Variants in KRCC1 observed in about 807,000 individuals in gnomAD.
KRCC1 encodes lysine rich coiled-coil 1.
Under a neutral mutation model 7.4 loss-of-function variants are expected in KRCC1, and 3 were observed. The observed-to-expected ratio is 0.40, with a 90% CI of 0.18 to 1.04. KRCC1 has a LOEUF of 1.04. Ranked by LOEUF, KRCC1 falls within the 50% of genes least tolerant of loss-of-function variation. The pLI, the probability that KRCC1 is intolerant of heterozygous loss-of-function variation, is 0.33. For missense variants in KRCC1, 277 were observed against 300.9 expected (o/e 0.92, Z 0.59); for synonymous variants, 102 against 101.6 (o/e 1.00, Z -0.02).
At chr2:88,032,300 G>GCT (rs959155617) in intron 3 of KRCC1, among the ~76,000 whole-genome samples, 2 of 152,016 alleles carry the variant, frequency 1.3e-5, no homozygotes, top group African/African-American at 4.8e-5. Context: ...CATGCTAAAT[G>GCT]CCCCACACAA....
At chr2:88,041,179 TGA>T (rs528533517) in intron 1 of KRCC1, among the ~76,000 whole-genome samples, 1 of 152,146 alleles carries the variant, frequency 6.6e-6, no homozygotes, top group South Asian at 2.1e-4. Context: ...GGGAAGAATA[TGA>T]GAGATATTCT....
rs143116821 is a variant in KRCC1, at chr2:88,052,289, G to A, written c.-291+3337C>T. ...TTGCATCATGTCCAATACTGGAAGT[G>A]TAAACTGCAGAGACTGAGAGTTCTA... On this transcript the variant is annotated intron_variant, in intron 1 of 3. Transcript: ENST00000347055. Among the ~76,000 whole-genome samples, 244 of 152,306 alleles carry A rather than the reference G, an allele frequency of 1.6e-3. 1 individual carries two copies. The highest frequency in any genetic ancestry group is 5.3e-3 in the African/African-American group (220 of 41,548).
intron 1 of KRCC1, among the ~76,000 whole-genome samples, chr2:88,049,178 T>A (rs905933657): frequency 2.6e-5 from 4 of 152,204 alleles, no homozygotes; most frequent in African/African-American, 9.6e-5. Flanking sequence ...AGTACATGTT[T>A]AGTATCAAAT....
chr2:88,048,813 A>G (rs1433367898), intron 1 of KRCC1, among the ~76,000 whole-genome samples: 1 of 152,228 alleles, frequency 6.6e-6, no homozygotes, highest in Admixed American at 6.5e-5. Flanking sequence ...AAGACCACGC[A>G]GAGCACAGCA....
At chr2:88,048,148 T>C (rs1287006033) in intron 1 of KRCC1, among the ~76,000 whole-genome samples, 1 of 150,368 alleles carries the variant, frequency 6.7e-6, no homozygotes, top group African/African-American at 2.4e-5. Context: ...AGTGGTGGGA[T>C]CTCGGCTCAC....
At chr2:88,055,317 C>T (rs1049534514) in intron 1 of KRCC1, among the ~76,000 whole-genome samples, 4 of 152,104 alleles carry the variant, frequency 2.6e-5, no homozygotes, top group African/African-American at 9.7e-5. Flanking sequence ...CTTCCCTTTC[C>T]CTGACGCTCC....
intron 1 of KRCC1, among the ~76,000 whole-genome samples, chr2:88,050,364 T>C (rs1280431013): frequency 1.3e-5 from 2 of 152,204 alleles, no homozygotes; most frequent in African/African-American, 4.8e-5. Flanking sequence ...TTCACACCTG[T>C]AATCCCAGCA....
At chr2:88,052,589 A>G (rs146954509) in intron 1 of KRCC1, among the ~76,000 whole-genome samples, 1 of 152,162 alleles carries the variant, frequency 6.6e-6, no homozygotes, top group African/African-American at 2.4e-5. Flanking sequence ...GTAAGTGAAT[A>G]GTGAGTGACC....
intron 1 of KRCC1, among the ~76,000 whole-genome samples, chr2:88,042,861 T>C (rs768148324): frequency 6.6e-6 from 1 of 152,250 alleles, no homozygotes; most frequent in East Asian, 1.9e-4. Context: ...ATAATACCTA[T>C]GGCATGCTAC....
chr2:88,048,674 T>C (rs1188832269), intron 1 of KRCC1, among the ~76,000 whole-genome samples: 1 of 152,222 alleles, frequency 6.6e-6, no homozygotes, highest in Non-Finnish European at 1.5e-5. Context: ...AAACCTTTTA[T>C]TTTTCTTGCC....
chr2:88,051,299 G>A lies in KRCC1; in HGVS notation c.-291+4327C>T, dbSNP rs370607189. On this transcript the variant is annotated intron_variant, in intron 1 of 3. Transcript: ENST00000347055. The stretch of plus-strand genomic sequence containing the variant: ...TACAGAGGAGTTCCTCAGAAGGATC[G>A]GTATAGGTGAAAATGGATTAGCAGA... 7.2e-5 allele frequency among the ~76,000 whole-genome samples: 11 copies of A among 152,200 alleles called. No individual in the cohort carries two copies. In the East Asian group the frequency reaches 1.4e-3, roughly 19 times the overall value.
At chr2:88,030,699 T>C (rs1672975397) in intron 3 of KRCC1, among the ~76,000 whole-genome samples, 1 of 152,234 alleles carries the variant, frequency 6.6e-6, no homozygotes, top group African/African-American at 2.4e-5. Flanking sequence ...GATAGGAATG[T>C]AAAATGGTAC....
intron 3 of KRCC1, among the ~76,000 whole-genome samples, chr2:88,032,828 T>C (rs545035740): frequency 1.9e-4 from 29 of 152,300 alleles, no homozygotes; most frequent in African/African-American, 7.0e-4. Flanking sequence ...ACACTAGGCA[T>C]AGTGGCTCAT....
At chr2:88,047,719 G>T (rs996820141) in intron 1 of KRCC1, among the ~76,000 whole-genome samples, 1 of 151,500 alleles carries the variant, frequency 6.6e-6, no homozygotes, top group East Asian at 2.0e-4. Flanking sequence ...TAGTAGAACC[G>T]GGGTTTCACC....
intron 1 of KRCC1, among the ~76,000 whole-genome samples, chr2:88,053,295 C>G (rs1267600095): frequency 1.3e-5 from 2 of 152,130 alleles, no homozygotes; most frequent in African/African-American, 2.4e-5. Flanking sequence ...CATTTTACCA[C>G]CCTGAAGTGG....
chr2:88,050,399 T>A (rs1673449235), intron 1 of KRCC1, among the ~76,000 whole-genome samples: 1 of 152,160 alleles, frequency 6.6e-6, no homozygotes, highest in Non-Finnish European at 1.5e-5. Flanking sequence ...GGTAGGCAGA[T>A]CACTTGAAGT....
At chr2:88,051,282 AGT>A (rs2104629253) in intron 1 of KRCC1, among the ~76,000 whole-genome samples, 1 of 152,318 alleles carries the variant, frequency 6.6e-6, no homozygotes, top group East Asian at 1.9e-4. Context: ...AATACAGAGG[AGT>A]TCCTCAGAAG....
At chr2:88,033,865 T>C (rs1673041759) in intron 3 of KRCC1, among the ~76,000 whole-genome samples, 1 of 152,192 alleles carries the variant, frequency 6.6e-6, no homozygotes, top group African/African-American at 2.4e-5. Context: ...CCTATGTCCA[T>C]GCAAGAAGTT....
At position 88,028,273 on chromosome 2, in the gene KRCC1, T is replaced by C. The variant is rs1672918569; in HGVS notation, c.291A>G (p.Arg97=). ...QWLPAHDSRL[R]LDSLSYCQFT... is the part of the protein sequence containing the mutation. The stretch of plus-strand genomic sequence containing the variant: ...ACTGACAGTAGCTCAGAGAGTCTAG[T>C]CTCAATCTGCTGTCATGGGCTGGTA... The change falls in exon 4 of 4, where the codon AGA becomes AGG. Residue 97 remains arginine (R), a synonymous_variant. Coordinates refer to ENST00000347055, the MANE Select transcript of KRCC1 (RefSeq NM_016618.3). 5 of 1,614,068 alleles carry C rather than the reference T, an allele frequency of 3.1e-6. 1 individual carries two copies. The Admixed American group carries it at 8.3e-5, about 27-fold the overall frequency.
Sources: allele counts gnomAD v4.1 joint callset (sites outside exome capture counted in the v4.1 genomes callset), GRCh38; gene constraint gnomAD v4.1.1; transcripts MANE v1.5; gene names NCBI Gene and HGNC (gene_info 2026-07-23, HGNC 2026-07-21).